The following MCC variants were observed in gnomAD, a reference collection of about 807,000 sequenced individuals.
MCC encodes MCC regulator of Wnt signaling pathway, also known as colorectal mutant cancer protein.
Under a neutral mutation model 116.2 loss-of-function variants are expected in MCC, and 90 were observed. The observed-to-expected ratio is 0.77, with a 90% confidence interval of 0.65 to 0.92. The LOEUF (loss-of-function observed/expected upper bound fraction) is 0.92, where lower values mean the gene tolerates loss of function less well. MCC is among the 40% of genes least tolerant of loss of function. MCC has a pLI of 0.00. For synonymous variants in MCC, 578 were observed against 510.5 expected (o/e 1.13, Z -1.78); for missense variants, 1,516 against 1,312.2 (o/e 1.16, Z -2.40).
chr5:113,051,479 G>C (rs900154392), intron 15 of MCC, among the ~76,000 whole-genome samples: 12 of 152,372 alleles, frequency 7.9e-5, no homozygotes, highest in Admixed American at 5.2e-4. Context: ...AGCACTTTGG[G>C]AGGTTGACCT....
intron 11 of MCC, among the ~76,000 whole-genome samples, chr5:113,075,225 C>T (rs964520907): frequency 2.6e-5 from 4 of 152,246 alleles, no homozygotes; most frequent in Non-Finnish European, 5.9e-5. Context: ...CACTTCCGGC[C>T]CGCTCGCGCC....
intron 1 of MCC, among the ~76,000 whole-genome samples, chr5:113,393,506 T>C (rs1402695868): frequency 6.6e-6 from 1 of 152,192 alleles, no homozygotes; most frequent in Admixed American, 6.5e-5. Flanking sequence ...AGAGAGCATC[T>C]GGTTATTTTC....
chr5:113,171,421 C>G (rs1429598260), intron 3 of MCC, among the ~76,000 whole-genome samples: 1 of 151,708 alleles, frequency 6.6e-6, no homozygotes, highest in East Asian at 2.0e-4. Context: ...AGTGCCACGA[C>G]TCGGCTAACT....
At chr5:113,202,589 C>T (rs567333563) in intron 3 of MCC, among the ~76,000 whole-genome samples, 1 of 152,250 alleles carries the variant, frequency 6.6e-6, no homozygotes, top group South Asian at 2.1e-4. Flanking sequence ...CACAAAAACA[C>T]ACACGCTTAT....
intron 1 of MCC, among the ~76,000 whole-genome samples, chr5:113,424,014 C>T (rs1459480628): frequency 6.6e-6 from 1 of 152,048 alleles, no homozygotes; most frequent in Admixed American, 6.6e-5. Context: ...TCTGGGGATA[C>T]TGCCTGGGCC....
At chr5:113,196,650 C>T (rs1323304542) in intron 3 of MCC, among the ~76,000 whole-genome samples, 1 of 152,156 alleles carries the variant, frequency 6.6e-6, no homozygotes, top group Non-Finnish European at 1.5e-5. Context: ...GAGATCGAGA[C>T]CATCCTGGCT....
intron 3 of MCC, among the ~76,000 whole-genome samples, chr5:113,326,434 C>T (rs1423525093): frequency 6.6e-6 from 1 of 152,188 alleles, no homozygotes; most frequent in South Asian, 2.1e-4. Context: ...ATGGTGCCCT[C>T]TTGCTGTATA....
intron 2 of MCC, among the ~76,000 whole-genome samples, chr5:113,359,521 G>C (rs1768495178): frequency 6.6e-6 from 1 of 152,206 alleles, no homozygotes; most frequent in African/African-American, 2.4e-5. Context: ...CTGTTGTTCT[G>C]TTCTTCATCA....
chr5:113,076,350 A>G (rs370716417), intron 11 of MCC, among the ~76,000 whole-genome samples: 10 of 152,172 alleles, frequency 6.6e-5, no homozygotes, highest in Non-Finnish European at 1.2e-4. Flanking sequence ...TCCAAGACAC[A>G]TAATTGTCAG....
At chr5:113,114,149 G>A (rs13179421) in intron 6 of MCC, among the ~76,000 whole-genome samples, 71,754 of 151,910 alleles carry the variant, frequency 0.47, 18,158 homozygotes, top group East Asian at 0.72. Flanking sequence ...AAAATGTGGC[G>A]AAATGTTAAC....
intron 3 of MCC, among the ~76,000 whole-genome samples, chr5:113,171,923 C>G (rs990759561): frequency 6.6e-6 from 1 of 152,194 alleles, no homozygotes; most frequent in African/African-American, 2.4e-5. Context: ...ATCCATCTCC[C>G]ATGGTTCTTA....
intron 13 of MCC, 92 bp downstream of exon 13, chr5:113,067,988 G>A (rs1164870824): frequency 2.0e-5 from 22 of 1,095,106 alleles, no homozygotes; most frequent in African/African-American, 3.1e-5. Flanking sequence ...TTGTGTTGTC[G>A]GGAGATGATT....
chr5:113,043,425 T>G (rs1751858483), intron 17 of MCC, 105 bp downstream of exon 17: 2 of 1,039,940 alleles, frequency 1.9e-6, no homozygotes, highest in East Asian at 2.6e-5. Context: ...ATGGGTAAAG[T>G]GGAACACATC....
chr5:113,304,534 A>ATT (rs1389872054), intron 3 of MCC, among the ~76,000 whole-genome samples: 1 of 152,220 alleles, frequency 6.6e-6, no homozygotes, highest in African/African-American at 2.4e-5. Flanking sequence ...TTTGATAATG[A>ATT]TTTGAGATTC....
At position 113,433,604 on chromosome 5, in the gene MCC, G is replaced by A. The variant is rs961113147; in HGVS notation, c.171-48392C>T. On this transcript the variant is annotated intron_variant, in intron 1 of 18. Coordinates refer to ENST00000408903, the MANE Select transcript of MCC (RefSeq NM_001085377.2). ...AACCATGTGGGTTACCAAGTTCAAGGGGAGAGAGAAGAAGCTGATGAAAAT... is the reference window on the plus strand; with the variant it reads ...AACCATGTGGGTTACCAAGTTCAAGAGGAGAGAGAAGAAGCTGATGAAAAT... 9 of 1,181,902 alleles carry A rather than the reference G, an allele frequency of 7.6e-6. No homozygotes were observed. The Admixed American group carries it at 2.6e-4, about 34-fold the overall frequency. The allele number at this position is 1,181,902 out of a possible 1,614,324, so 73.2% of individuals were successfully genotyped here. A position where few individuals can be genotyped will look rare whatever the true frequency, so the allele number is the denominator to read the frequency against.
Position 113,028,960 on chromosome 5 carries a change from G to T in MCC, c.2853C>A (p.Phe951Leu), listed in dbSNP as rs1048696507. 3 of 1,613,950 alleles carry T rather than the reference G, an allele frequency of 1.9e-6. No individual in the cohort carries two copies. The highest frequency in any genetic ancestry group is 2.2e-5 in the South Asian group (2 of 91,040). Residue 951 changes from phenylalanine to leucine, a missense_variant, in exon 18 of 19, where the codon TTC becomes TTA. By Grantham distance (22) the Phe-to-Leu change is conservative. Coordinates refer to ENST00000408903, the MANE Select transcript of MCC (RefSeq NM_001085377.2). ...SEIRHQQSAEFVNDLKRANSN... is the reference protein window; with the variant it reads ...SEIRHQQSAELVNDLKRANSN... The stretch of plus-strand genomic sequence containing the variant: ...TGTTGGCCCGCTTTAGATCATTCAC[G>T]AACTCTGCAGATTGCTGATGTCGGA...
chr5:113,069,562 T>G (rs926409687), intron 12 of MCC, among the ~76,000 whole-genome samples: 2 of 152,226 alleles, frequency 1.3e-5, no homozygotes, highest in African/African-American at 4.8e-5. Flanking sequence ...ACAATTTCCT[T>G]TGATTGCCTT....
intron 3 of MCC, among the ~76,000 whole-genome samples, chr5:113,166,000 T>C (rs1440983359): frequency 1.3e-5 from 2 of 152,148 alleles, no homozygotes; most frequent in Non-Finnish European, 2.9e-5. Flanking sequence ...GGCTGCATAT[T>C]TTCCCAAGCT....
At chr5:113,110,756 A>G (rs914118937) in intron 6 of MCC, among the ~76,000 whole-genome samples, 1 of 152,210 alleles carries the variant, frequency 6.6e-6, no homozygotes. Flanking sequence ...GCAGCCAAAG[A>G]TGTGCTTGCA....
Sources: gnomAD v4.1 joint callset for allele counts (sites outside exome capture counted in the v4.1 genomes callset) on GRCh38, gnomAD v4.1.1 for gene constraint, MANE v1.5 for transcripts, NCBI Gene and HGNC (gene_info 2026-07-23, HGNC 2026-07-21) for gene names.